CYFIP1: variants seen among roughly 807,000 people sequenced by gnomAD.
The protein encoded by CYFIP1 is cytoplasmic FMR1-interacting protein 1.
CYFIP1 carries 58 observed loss-of-function variants against 163.5 expected under a neutral mutation model. That is an observed-to-expected ratio of 0.35 (90% CI 0.29 to 0.44). The LOEUF (loss-of-function observed/expected upper bound fraction) is 0.44. Among genes scored for constraint, CYFIP1 ranks in the 20% least tolerant of loss-of-function variants. The pLI is 1.00. For synonymous variants in CYFIP1, 663 were observed against 660.7 expected, an observed-to-expected ratio of 1.00 and a Z score of -0.05; for missense variants, 1,338 against 1,653.8, an observed-to-expected ratio of 0.81 and a Z score of 3.31.
intron 1 of CYFIP1, among the ~76,000 whole-genome samples, chr15:22,960,892 G>A (rs926043153): frequency 1.3e-5 from 2 of 152,218 alleles, no homozygotes; most frequent in Admixed American, 1.3e-4. Flanking sequence ...TCCTACGGGG[G>A]CCCACGAACA....
intron 1 of CYFIP1, among the ~76,000 whole-genome samples, chr15:22,975,881 C>A (rs766942643): frequency 1.1e-4 from 17 of 151,934 alleles, no homozygotes; most frequent in Admixed American, 7.2e-4. Context: ...GTATATTATA[C>A]CTCAATAAAC....
Position 22,875,630 on chromosome 15 carries a change from C to T in CYFIP1, c.3043-359G>A, listed in dbSNP as rs80138402. 4.6e-3 allele frequency among the ~76,000 whole-genome samples: 704 copies of T among 152,138 alleles called. 10 individuals are homozygous for T. The highest frequency in any genetic ancestry group is 0.016 in the African/African-American group (648 of 41,474). ...CTAAAAGCTCTCGCCCCATCCTTCCCTGCTAATTTGCCACCAGGCTCTTAA... is the reference window on the plus strand; with the variant it reads ...CTAAAAGCTCTCGCCCCATCCTTCCTTGCTAATTTGCCACCAGGCTCTTAA... On this transcript the variant is annotated intron_variant, in intron 26 of 30. Transcript: ENST00000617928.
At chr15:22,944,962 T>C in intron 3 of CYFIP1, 23 bp from the exon 4 acceptor site, 1 of 1,607,942 alleles carries the variant, frequency 6.2e-7, no homozygotes, top group East Asian at 2.2e-5. Context: ...ACAGGGCAAA[T>C]CAAAGGCAGG....
intron 13 of CYFIP1, 127 bp from the exon 14 acceptor site, chr15:22,918,985 G>C: frequency 1.4e-6 from 1 of 706,686 alleles, no homozygotes; most frequent in Non-Finnish European, 2.4e-6. Flanking sequence ...TTCGTGCCCT[G>C]CAGCTGCCCT....
Position 22,944,620 on chromosome 15 carries a change from C to A in CYFIP1, c.325G>T (p.Glu109Ter). 1 of 1,613,960 alleles carries A rather than the reference C, an allele frequency of 6.2e-7. No homozygotes were observed. The highest frequency in any genetic ancestry group is 8.5e-7 in the Non-Finnish European group (1 of 1,179,858). Residue 109 changes from glutamate (E) to a stop codon, truncating the protein, a stop_gained, in exon 5 of 31, where the codon GAG becomes TAG. Coordinates refer to ENST00000617928, the MANE Select transcript of CYFIP1 (RefSeq NM_014608.6). LOFTEE classifies it high-confidence loss of function. ...NEQPNRVEIY[E>*]KTVEVLEPEV... Reference sequence around the variant, plus strand: ...GGCTCCAGAACCTCCACGGTTTTCTCGTAGATTTCCACTCTGTTAGGCTGC... The same window carrying A: ...GGCTCCAGAACCTCCACGGTTTTCTAGTAGATTTCCACTCTGTTAGGCTGC...
At chr15:22,954,614 C>A (rs1255178481) in intron 1 of CYFIP1, among the ~76,000 whole-genome samples, 1 of 152,202 alleles carries the variant, frequency 6.6e-6, no homozygotes, top group Non-Finnish European at 1.5e-5. Context: ...CATGCCCACC[C>A]TCGGTTTATG....
intron 22 of CYFIP1, among the ~76,000 whole-genome samples, chr15:22,902,317 G>T (rs555200276): frequency 5.9e-5 from 9 of 152,326 alleles, no homozygotes; most frequent in Non-Finnish European, 1.0e-4. Context: ...CACCTCCCGG[G>T]GTGTGGGGAA....
chr15:22,961,009 T>C (rs193180045), intron 1 of CYFIP1, among the ~76,000 whole-genome samples: 1 of 151,982 alleles, frequency 6.6e-6, no homozygotes, highest in East Asian at 1.9e-4. Flanking sequence ...CATTTATTTA[T>C]TTATTTATTT....
chr15:22,932,361 C>T (rs200092391), intron 10 of CYFIP1, 21 bp from the exon 11 acceptor site: 5 of 1,546,350 alleles, frequency 3.2e-6, no homozygotes, highest in East Asian at 2.4e-5. Context: ...AGAAAGCACC[C>T]GCGTTACCTG....
chr15:22,956,783 C>T (rs1245478793), intron 1 of CYFIP1, among the ~76,000 whole-genome samples: 1 of 152,230 alleles, frequency 6.6e-6, no homozygotes, highest in African/African-American at 2.4e-5. Context: ...TCCCAAGATG[C>T]CAGCGAGCAC....
Position 22,912,170 on chromosome 15 carries a change from G to A in CYFIP1, c.2082+9C>T, listed in dbSNP as rs1355292619. Reference sequence around the variant, plus strand: ...GAAATGAACAGAAATGGAGCTGCAGGGGCCTCACCTCGGCCTCAATTTCGT... The same window carrying A: ...GAAATGAACAGAAATGGAGCTGCAGAGGCCTCACCTCGGCCTCAATTTCGT... On this transcript the variant is annotated intron_variant, in intron 18 of 30. Coordinates refer to ENST00000617928, the MANE Select transcript of CYFIP1 (RefSeq NM_014608.6). The A allele has an allele frequency of 6.2e-7, 1 of 1,608,278 alleles. No homozygotes were observed. The highest frequency in any genetic ancestry group is 8.5e-7 in the Non-Finnish European group (1 of 1,175,716).
chr15:22,966,809 T>C (rs1414875618), intron 1 of CYFIP1, among the ~76,000 whole-genome samples: 2 of 151,460 alleles, frequency 1.3e-5, no homozygotes, highest in African/African-American at 4.9e-5. Flanking sequence ...GACCCCACGA[T>C]GAGCAGCAGA....
intron 13 of CYFIP1, among the ~76,000 whole-genome samples, chr15:22,925,465 G>A (rs545833134): frequency 2.6e-5 from 4 of 152,268 alleles, no homozygotes; most frequent in African/African-American, 9.6e-5. Flanking sequence ...TGAATTTCAG[G>A]TGAATTTCGC....
chr15:22,933,463 C>T (rs1013257603), intron 10 of CYFIP1, among the ~76,000 whole-genome samples: 1 of 151,718 alleles, frequency 6.6e-6, no homozygotes, highest in Non-Finnish European at 1.5e-5. Context: ...TACAGGCGCC[C>T]ACCACCACGC....
At chr15:22,948,047 G>C (rs4594230) in intron 1 of CYFIP1, 2 of 964,020 alleles carry the variant, frequency 2.1e-6, no homozygotes, top group African/African-American at 3.5e-5. Context: ...GGAAAGAGCA[G>C]CAGGTGGCCT....
chr15:22,951,567 C>T (rs1292927616), intron 1 of CYFIP1: 2 of 1,285,602 alleles, frequency 1.6e-6, no homozygotes, highest in Non-Finnish European at 2.0e-6. Context: ...CCGCAGTCTG[C>T]CCTTTCTGCG....
chr15:22,932,443 C>T (rs2061569234), intron 10 of CYFIP1, 103 bp from the exon 11 acceptor site: 4 of 661,896 alleles, frequency 6.0e-6, no homozygotes, highest in Non-Finnish European at 9.7e-6. Context: ...ACACAAATGG[C>T]TTTTATGTTT....
intron 1 of CYFIP1, among the ~76,000 whole-genome samples, chr15:22,950,922 A>G (rs532331135): frequency 1.2e-4 from 18 of 152,364 alleles, no homozygotes; most frequent in Non-Finnish European, 2.4e-4. Flanking sequence ...CCACGTTCAC[A>G]TAACTTTTAT....
At chr15:22,913,527 C>CAAAAAAAAAAAAAAAAAAAA (rs35228444) in intron 17 of CYFIP1, among the ~76,000 whole-genome samples, 1 of 10,284 alleles carries the variant, frequency 9.7e-5, no homozygotes, top group Non-Finnish European at 1.7e-4. Context: ...GGCTCTGTCT[C>CAAAAAAAAAAAAAAAAAAAA]AAAAAAAAAA....
Sources: allele counts gnomAD v4.1 joint callset (sites outside exome capture counted in the v4.1 genomes callset), GRCh38; gene constraint gnomAD v4.1.1; transcripts MANE v1.5; gene names NCBI Gene and HGNC (gene_info 2026-07-23, HGNC 2026-07-21).